Variants in SLC2A2 observed in about 807,000 individuals in gnomAD.
SLC2A2 encodes the protein solute carrier family 2, facilitated glucose transporter member 2.
In SLC2A2, 36 loss-of-function variants were observed where a neutral mutation model predicts 54.5. That is an observed-to-expected ratio of 0.66 (90% CI 0.51 to 0.87). The LOEUF is 0.87. Among genes scored for constraint, SLC2A2 ranks in the 40% least tolerant of loss-of-function variants. SLC2A2 has a pLI of 0.00. For missense variants in SLC2A2, 543 were observed against 624.3 expected (o/e 0.87, Z 1.39); for synonymous variants, 223 against 219.1 (o/e 1.02, Z -0.16).
At chr3:171,001,312 G>T (rs1171035513) in intron 8 of SLC2A2, among the ~76,000 whole-genome samples, 2 of 152,050 alleles carry the variant, frequency 1.3e-5, no homozygotes, top group Admixed American at 6.6e-5. Flanking sequence ...GGAGACAAAA[G>T]GGTGAATAGT....
At position 170,997,963 on chromosome 3, in the gene SLC2A2, T is replaced by G. The variant is rs1160962006; in HGVS notation, c.1515A>C (p.Ser505=). ...CTACAGCAGCTTTTGGCCTGTGGGC[T>G]GAGCCACTCTTCTTTTGGAATTCTG... ...IAAEFQKKSG[S]AHRPKAAVEM... The change falls in exon 11 of 11, where the codon TCA becomes TCC. Residue 505 remains serine, a synonymous_variant. Coordinates refer to ENST00000314251, the MANE Select transcript of SLC2A2 (RefSeq NM_000340.2). The G allele has an allele frequency of 6.2e-7, 1 of 1,613,758 alleles. No individual in the cohort carries two copies. The highest frequency in any genetic ancestry group is 1.1e-5 in the South Asian group (1 of 91,084).
At position 171,005,409 on chromosome 3, in the gene SLC2A2, C is replaced by T; in HGVS notation, c.839G>A (p.Arg280Lys). The change falls in exon 7 of 11, where the codon AGA becomes AAA. Residue 280 changes from arginine to lysine, a missense_variant. Physicochemically the swap from Arg to Lys is conservative, Grantham distance 26 (BLOSUM62 2). This residue lies in a region of SLC2A2 where 318 missense variants were observed against 343.8 expected (regional missense o/e 0.93). Transcript: ENST00000314251. ...TTTCTGCTCACTCGATGCTTCTTCT[C>T]TTTCTTTTCTCATTTCATTAATATC... Reference protein sequence around the residue: ...TKDINEMRKEREEASSEQKVS... With the variant: ...TKDINEMRKEKEEASSEQKVS... The T allele has an allele frequency of 2.5e-6, 4 of 1,612,726 alleles. No homozygotes were observed. The highest frequency in any genetic ancestry group is 3.4e-6 in the Non-Finnish European group (4 of 1,179,154).
At chr3:170,998,828 G>A (rs960900258) in intron 9 of SLC2A2, among the ~76,000 whole-genome samples, 13 of 152,084 alleles carry the variant, frequency 8.5e-5, no homozygotes, top group African/African-American at 3.1e-4. Flanking sequence ...TCTAACCATG[G>A]GTACATGGCC....
rs1236921754 is a variant in SLC2A2 at position 171,002,604 on chromosome 3, G to C, written c.1040C>G (p.Ala347Gly). The C allele has an allele frequency of 2.5e-6, 4 of 1,610,180 alleles. No homozygotes were observed. Among genetic ancestry groups the C allele is most frequent in the Non-Finnish European group, 1.7e-6 (2 of 1,177,406 alleles). Reference protein sequence around the residue: ...KPVYATIGVGAVNMVFTAVSV... With the variant: ...KPVYATIGVGGVNMVFTAVSV... ...GACAGCAGTGAAAACCATGTTTACA[G>C]CGCCAACTCCAATGGTTGCATAAAC... is the stretch of plus-strand genomic sequence containing the variant. The change falls in exon 8 of 11, where the codon GCT becomes GGT. Residue 347 changes from alanine (A) to glycine (G), a missense_variant. Physicochemically the swap from Ala to Gly is moderately conservative, Grantham distance 60. Transcript: ENST00000314251.
intron 8 of SLC2A2, among the ~76,000 whole-genome samples, chr3:170,999,666 A>G (rs1715257402): frequency 6.6e-6 from 1 of 152,000 alleles, no homozygotes; most frequent in Non-Finnish European, 1.5e-5. Context: ...TTCTCATCCA[A>G]TTTTCTCACT....
At chr3:171,016,859 T>C (rs1037472250) in intron 2 of SLC2A2, among the ~76,000 whole-genome samples, 7 of 151,308 alleles carry the variant, frequency 4.6e-5, no homozygotes, top group African/African-American at 1.2e-4. Context: ...TTTCTTTTTT[T>C]TTTTTTTTTT....
intron 3 of SLC2A2, among the ~76,000 whole-genome samples, chr3:171,011,870 T>C (rs1715897884): frequency 6.6e-6 from 1 of 152,062 alleles, no homozygotes. Context: ...GAAGAATCTT[T>C]GATGCCCTAA....
intron 7 of SLC2A2, 37 bp downstream of exon 7, chr3:171,005,248 T>C (rs747776233): frequency 1.3e-6 from 2 of 1,574,358 alleles, no homozygotes; most frequent in Non-Finnish European, 1.7e-6. Context: ...TTTAATTCAC[T>C]GTGCTCTTAA....
At chr3:171,007,659 A>G (rs939803791) in intron 4 of SLC2A2, among the ~76,000 whole-genome samples, 2 of 152,010 alleles carry the variant, frequency 1.3e-5, no homozygotes, top group African/African-American at 4.8e-5. Flanking sequence ...ATCTCCACCA[A>G]CCTCTTGATA....
At chr3:171,015,220 G>A (rs1295039284) in intron 2 of SLC2A2, among the ~76,000 whole-genome samples, 1 of 152,146 alleles carries the variant, frequency 6.6e-6, no homozygotes, top group Non-Finnish European at 1.5e-5. Context: ...TATAATCTCA[G>A]CACTTTGGGA....
Position 170,996,562 on chromosome 3 carries a change from C to T in SLC2A2, c.*1341G>A. Reference sequence around the variant, plus strand: ...AAACAGCCTAGAGATACGTTAGCACCCTGCTAAGCTTTTGGGACCCATCAG... The same window carrying T: ...AAACAGCCTAGAGATACGTTAGCACTCTGCTAAGCTTTTGGGACCCATCAG... On this transcript the variant is annotated 3_prime_UTR_variant, in exon 11 of 11. Transcript: ENST00000314251. The T allele has an allele frequency of 5.0e-6, 2 of 397,646 alleles. No homozygotes were observed. Among genetic ancestry groups the T allele is most frequent in the East Asian group, 7.1e-5 (2 of 28,036 alleles). The allele number at this position is 397,646 out of a possible 1,614,324, so 24.6% of individuals were successfully genotyped here.
At chr3:170,999,228 T>A in intron 8 of SLC2A2, 62 bp from the exon 9 acceptor site, 1 of 1,097,420 alleles carries the variant, frequency 9.1e-7, no homozygotes, top group Non-Finnish European at 1.4e-6. Context: ...ACTGTTTACT[T>A]AAATCATTTT....
chr3:171,007,567 G>GAAAA (rs1715673131), intron 4 of SLC2A2: 5 of 353,524 alleles, frequency 1.4e-5, no homozygotes, highest in African/African-American at 8.4e-5. Context: ...TAATGCCTTA[G>GAAAA]GTTATCTTCA....
intron 1 of SLC2A2, among the ~76,000 whole-genome samples, chr3:171,021,804 T>TCC (rs1488511672): frequency 6.6e-6 from 1 of 152,236 alleles, no homozygotes; most frequent in Admixed American, 6.5e-5. Context: ...TAAGGGCCAT[T>TCC]CCCAGCTCTA....
rs1438326479 is a variant in SLC2A2 at position 171,016,781 on chromosome 3, AC to A, written c.108+1749del. Among the ~76,000 whole-genome samples, 4 of 151,926 alleles carry A rather than the reference AC, an allele frequency of 2.6e-5. No individual in the cohort carries two copies. In the East Asian group the frequency reaches 7.7e-4, roughly 29 times the overall value. ...CGCTGTTTTCAGCTCTGGCTCTGGG[AC>A]TTGGATTGAAGGAGGTGAAACCTTA... is the stretch of plus-strand genomic sequence containing the variant. On this transcript the variant is annotated intron_variant, in intron 2 of 10. Transcript: ENST00000314251.
At chr3:171,020,202 C>G (rs1576844375) in intron 1 of SLC2A2, among the ~76,000 whole-genome samples, 2 of 152,044 alleles carry the variant, frequency 1.3e-5, no homozygotes, top group Non-Finnish European at 2.9e-5. Context: ...TAGCCAGAAC[C>G]CTTCATTACC....
In SLC2A2 at chr3:171,022,112, C is replaced by CAG. The variant is rs1447404553; in HGVS notation, c.16-3490_16-3489insCT. ...CTTTGGAGGACGATTATTCTGTCTA[C>CAG]CACATTCTTCATGGCAGCACCATTA... is the stretch of plus-strand genomic sequence containing the variant. On this transcript the variant is annotated intron_variant, in intron 1 of 10. Coordinates refer to ENST00000314251, the MANE Select transcript of SLC2A2 (RefSeq NM_000340.2). Among the ~76,000 whole-genome samples, 331 of 152,324 alleles carry CAG rather than the reference C, an allele frequency of 2.2e-3. 1 individual carries two copies. Among genetic ancestry groups the CAG allele is most frequent in the Non-Finnish European group, 3.7e-3 (253 of 68,022 alleles).
At chr3:171,014,390 A>G in intron 3 of SLC2A2, 79 bp downstream of exon 3, 2 of 1,471,768 alleles carry the variant, frequency 1.4e-6, no homozygotes, top group South Asian at 1.1e-5. Flanking sequence ...AAGAAGAAAG[A>G]TAATATTTTT....
rs1486841136 is a variant in SLC2A2 at position 170,996,692 on chromosome 3, A to G, written c.*1211T>C. 1 of 397,852 alleles carries G rather than the reference A, an allele frequency of 2.5e-6. No individual in the cohort carries two copies. The highest frequency in any genetic ancestry group is 4.4e-6 in the Non-Finnish European group (1 of 225,516). The allele number at this position is 397,852 out of a possible 1,614,324, so 24.6% of individuals were successfully genotyped here. A position where few individuals can be genotyped will look rare whatever the true frequency, so the allele number is the denominator to read the frequency against. On this transcript the variant is annotated 3_prime_UTR_variant, in exon 11 of 11. Coordinates refer to ENST00000314251, the MANE Select transcript of SLC2A2 (RefSeq NM_000340.2). Reference sequence around the variant, plus strand: ...AGGTAAAGGCAGATAGATAGTGTACAATGCGTGTTAGTAATGGCCATAGAA... The same window carrying G: ...AGGTAAAGGCAGATAGATAGTGTACGATGCGTGTTAGTAATGGCCATAGAA...
Sources: gnomAD v4.1 joint callset for allele counts (sites outside exome capture counted in the v4.1 genomes callset) on GRCh38, gnomAD v4.1.1 for gene constraint, gnomAD v4.1.1 regional missense constraint, MANE v1.5 for transcripts, NCBI Gene and HGNC (gene_info 2026-07-23, HGNC 2026-07-21) for gene names.